RUFY1: variants seen among roughly 807,000 people sequenced by gnomAD.
The protein encoded by RUFY1 is RUN and FYVE domain containing 1, also known as RUN and FYVE domain-containing protein 1.
A neutral mutation model predicts 94.6 loss-of-function variants in RUFY1; 54 were observed. That is an observed-to-expected ratio of 0.57 (90% confidence interval 0.46 to 0.72). The LOEUF (loss-of-function observed/expected upper bound fraction) is 0.72. Among genes scored for constraint, RUFY1 ranks in the 30% least tolerant of loss-of-function variants. The pLI is 0.00. For missense variants in RUFY1, 883 were observed against 883.9 expected (o/e 1.00, Z 0.01); for synonymous variants, 396 against 347.3 (o/e 1.14, Z -1.56).
intron 13 of RUFY1, 26 bp downstream of exon 13, chr5:179,596,707 C>A: frequency 1.5e-6 from 2 of 1,336,314 alleles, no homozygotes; most frequent in Non-Finnish European, 2.0e-6. Flanking sequence ...GGAGCCTGGG[C>A]TGGGGTGTGG....
At chr5:179,572,908 G>T (rs763276327) in intron 5 of RUFY1, among the ~76,000 whole-genome samples, 5 of 152,110 alleles carry the variant, frequency 3.3e-5, no homozygotes, top group Admixed American at 3.3e-4. Flanking sequence ...TGTAAAAAAT[G>T]TGTAAATTTT....
chr5:179,591,409 C>T lies in RUFY1; in HGVS notation c.1129-216C>T, dbSNP rs913514221. 8.0e-5 allele frequency among the ~76,000 whole-genome samples: 12 copies of T among 150,514 alleles called. No individual in the cohort carries two copies. The Middle Eastern group carries it at 0.018, about 222-fold the overall frequency. ...CCATGTTAGCCAGGATGGTCTCGAT[C>T]GCCTGACCTCGTGATCCGCCCGCCT... On this transcript the variant is annotated intron_variant, in intron 9 of 17. Transcript: ENST00000319449.
chr5:179,609,512 C>T lies in RUFY1; in HGVS notation c.2120C>T (p.Ala707Val), dbSNP rs1767506784. Residue 707 changes from alanine to valine, a missense_variant, in exon 18 of 18, where the codon GCC becomes GTC. Coordinates refer to ENST00000319449, the MANE Select transcript of RUFY1 (RefSeq NM_025158.5). ...TLLLQRCSST[A>V]S ...CTCCTGCAGCGCTGCTCCTCCACGG[C>T]CTCCTGAACGTCCGTCCTCAGGAGC... 2 of 1,602,682 alleles carry T rather than the reference C, an allele frequency of 1.2e-6. No individual in the cohort carries two copies. Among genetic ancestry groups the T allele is most frequent in the Non-Finnish European group, 1.7e-6 (2 of 1,177,736 alleles).
chr5:179,559,946 C>T, intron 1 of RUFY1, 79 bp from the exon 2 acceptor site: 1 of 1,524,898 alleles, frequency 6.6e-7, no homozygotes, highest in South Asian at 1.3e-5. Context: ...CTGCCTGACC[C>T]GTCTTCTCAC....
chr5:179,552,164 C>CAAAAAAAAAAAAAAA (rs563730431), intron 1 of RUFY1, among the ~76,000 whole-genome samples: 2 of 73,454 alleles, frequency 2.7e-5, no homozygotes, highest in African/African-American at 5.9e-5. Context: ...GACTCTGTCT[C>CAAAAAAAAAAAAAAA]AAAAAAAAAA....
At chr5:179,588,357 CCT>C (rs944459184) in intron 8 of RUFY1, among the ~76,000 whole-genome samples, 2 of 152,174 alleles carry the variant, frequency 1.3e-5, no homozygotes, top group Non-Finnish European at 2.9e-5. Flanking sequence ...GCTGCACCTT[CCT>C]CTCTGCAAGC....
intron 5 of RUFY1, among the ~76,000 whole-genome samples, chr5:179,571,865 C>T (rs1436047063): frequency 6.6e-6 from 1 of 151,840 alleles, no homozygotes; most frequent in Non-Finnish European, 1.5e-5. Flanking sequence ...AGTTTTCTTT[C>T]TCTACTTCTT....
intron 1 of RUFY1, among the ~76,000 whole-genome samples, chr5:179,556,111 A>G (rs1052636835): frequency 1.3e-5 from 2 of 152,278 alleles, no homozygotes; most frequent in African/African-American, 4.8e-5. Flanking sequence ...AAACTGTTAC[A>G]TTGTTTTTTG....
chr5:179,567,897 CCTT>C (rs1391145909), intron 4 of RUFY1, among the ~76,000 whole-genome samples: 3 of 151,440 alleles, frequency 2.0e-5, no homozygotes, highest in Admixed American at 1.3e-4. Flanking sequence ...GAGTGAGACT[CCTT>C]CTCAAAAAAA....
rs751564755 is a variant in RUFY1 at position 179,605,859 on chromosome 5, C to CTT, written c.1857-8_1857-7dup. On this transcript the variant is annotated splice_polypyrimidine_tract_variant and intron_variant, in intron 15 of 17. Coordinates refer to ENST00000319449, the MANE Select transcript of RUFY1 (RefSeq NM_025158.5). ...CTCTCTCTCACTGCTATGAAATGGC[C>CTT]TTTTTTTTTTCCTTAGGTCCAAGCT... 3.9e-5 allele frequency: 54 copies of CTT among 1,390,346 alleles called. No homozygotes were observed. The highest frequency in any genetic ancestry group is 4.7e-5 in the Non-Finnish European group (47 of 1,009,862). The allele number at this position is 1,390,346 out of a possible 1,614,324, so 86.1% of individuals were successfully genotyped here.
At chr5:179,574,331 G>A (rs570730791) in intron 5 of RUFY1, among the ~76,000 whole-genome samples, 14 of 152,270 alleles carry the variant, frequency 9.2e-5, no homozygotes, top group African/African-American at 3.4e-4. Context: ...GGAGGCAGAG[G>A]CTGCAGTGAG....
At chr5:179,559,851 C>T in intron 1 of RUFY1, 174 bp from the exon 2 acceptor site, 1 of 1,401,842 alleles carries the variant, frequency 7.1e-7, no homozygotes. Context: ...GGGCTGTGGC[C>T]TCTAGGGATC....
At chr5:179,564,119 CT>C (rs59530799) in intron 3 of RUFY1, among the ~76,000 whole-genome samples, 31,267 of 133,334 alleles carry the variant, frequency 0.23, 3,999 homozygotes, top group East Asian at 0.62. Flanking sequence ...CTGATGTTTT[CT>C]TTTTTTTTTT....
chr5:179,596,070 C>G (rs1378495622), intron 12 of RUFY1: 1 of 174,880 alleles, frequency 5.7e-6, no homozygotes, highest in Non-Finnish European at 1.2e-5. Flanking sequence ...TCATAACTGC[C>G]AAAAGCTAGA....
In RUFY1 at chr5:179,558,572, C is replaced by CAAA. The variant is rs10664309; in HGVS notation, c.311-1440_311-1438dup. Among the ~76,000 whole-genome samples the CAAA allele has an allele frequency of 7.6e-3, 1,046 of 137,102 alleles. 16 individuals are homozygous for CAAA. The highest frequency in any genetic ancestry group is 0.024 in the African/African-American group (901 of 36,904). 89.9% of individuals were successfully genotyped at this position (137,102 alleles called of 152,430 possible). On this transcript the variant is annotated intron_variant, in intron 1 of 17. Coordinates refer to ENST00000319449, the MANE Select transcript of RUFY1 (RefSeq NM_025158.5). Reference sequence around the variant, plus strand: ...GGGCAACAAGAGTGAAACAACATCTCAAAAAAAAAAAAAAATTATACCACC... The same window carrying CAAA: ...GGGCAACAAGAGTGAAACAACATCTCAAAAAAAAAAAAAAAAAATTATACCACC...
intron 2 of RUFY1, among the ~76,000 whole-genome samples, chr5:179,560,527 G>A (rs1210794473): frequency 6.6e-6 from 1 of 151,272 alleles, no homozygotes; most frequent in Non-Finnish European, 1.5e-5. Context: ...AGACCATCCT[G>A]GCTAACACGG....
In RUFY1 at chr5:179,590,497, TG is replaced by T. The variant is rs1381681968; in HGVS notation, c.1128+851del. 8.6e-5 allele frequency among the ~76,000 whole-genome samples: 13 copies of T among 151,876 alleles called. No homozygotes were observed. In the East Asian group the frequency reaches 2.3e-3, roughly 27 times the overall value. ...TCTGTTTTTGTTGTTGTTGTTTGTTTGTTTCTAGACAGAGTCTCCCTCTGTC... is the reference window on the plus strand; with the variant it reads ...TCTGTTTTTGTTGTTGTTGTTTGTTTTTTCTAGACAGAGTCTCCCTCTGTC... On this transcript the variant is annotated intron_variant, in intron 9 of 17. Coordinates refer to ENST00000319449, the MANE Select transcript of RUFY1 (RefSeq NM_025158.5).
chr5:179,559,918 A>G, intron 1 of RUFY1, 107 bp from the exon 2 acceptor site: 1 of 1,478,476 alleles, frequency 6.8e-7, no homozygotes, highest in Non-Finnish European at 9.0e-7. Context: ...CCGTTCCCTA[A>G]GCAGACCGCC....
chr5:179,554,057 G>A (rs2127501852), intron 1 of RUFY1, among the ~76,000 whole-genome samples: 1 of 152,260 alleles, frequency 6.6e-6, no homozygotes, highest in African/African-American at 2.4e-5. Context: ...GCCAGGGCCA[G>A]GCCCAAGGCT....
Sources: allele counts gnomAD v4.1 joint callset (sites outside exome capture counted in the v4.1 genomes callset), GRCh38; gene constraint gnomAD v4.1.1; transcripts MANE v1.5; gene names NCBI Gene and HGNC (gene_info 2026-07-23, HGNC 2026-07-21).